GLIPR1L2: variants seen among roughly 807,000 people sequenced by gnomAD.
GLIPR1L2 encodes the protein GLIPR1-like protein 2.
Under a neutral mutation model 28.4 loss-of-function variants are expected in GLIPR1L2, and 21 were observed. The ratio of observed to expected loss-of-function variants is 0.74; its 90% CI spans 0.52 to 1.06. GLIPR1L2 has a LOEUF of 1.06. Ranked by LOEUF, GLIPR1L2 falls within the 50% of genes least tolerant of loss-of-function variation. The pLI, the probability that GLIPR1L2 is intolerant of heterozygous loss-of-function variation, is 0.00. For synonymous variants in GLIPR1L2, 145 were observed against 139.3 expected (o/e 1.04, Z -0.29); for missense variants, 476 against 416.9 (o/e 1.14, Z -1.23).
At chr12:75,398,328 CAAAAA>C (rs71078729) in intron 1 of GLIPR1L2, among the ~76,000 whole-genome samples, 87 of 87,898 alleles carry the variant, frequency 9.9e-4, no homozygotes, top group Middle Eastern at 6.0e-3. Context: ...GACTCCATCT[CAAAAA>C]AAAAAAAAAA....
At chr12:75,405,790 A>G (rs1455681155) in intron 1 of GLIPR1L2, among the ~76,000 whole-genome samples, 12 of 152,252 alleles carry the variant, frequency 7.9e-5, no homozygotes, top group African/African-American at 2.9e-4. Flanking sequence ...AAAGTTTGAA[A>G]AGTCTTGTGA....
chr12:75,403,885 A>C (rs2045769140), intron 1 of GLIPR1L2, among the ~76,000 whole-genome samples: 1 of 152,196 alleles, frequency 6.6e-6, no homozygotes. Flanking sequence ...AATTGGAAAG[A>C]GACTAGATAT....
chr12:75,395,415 A>G (rs1172901364), intron 1 of GLIPR1L2, among the ~76,000 whole-genome samples: 1 of 151,902 alleles, frequency 6.6e-6, no homozygotes, highest in East Asian at 1.9e-4. Context: ...TTCTTATAGT[A>G]TCTTTTTCTG....
chr12:75,407,234 A>C (rs2045812563), intron 1 of GLIPR1L2, among the ~76,000 whole-genome samples: 3 of 152,076 alleles, frequency 2.0e-5, no homozygotes, highest in Non-Finnish European at 2.9e-5. Context: ...CCCCTGTTGC[A>C]AGTCTTCTAA....
intron 1 of GLIPR1L2, among the ~76,000 whole-genome samples, chr12:75,394,733 C>T (rs11614719): frequency 0.19 from 23,491 of 121,260 alleles, 2,243 homozygotes; most frequent in Admixed American, 0.28. Flanking sequence ...AGATTTTTTA[C>T]GAATTTTGAG....
intron 4 of GLIPR1L2, among the ~76,000 whole-genome samples, chr12:75,424,531 G>A (rs1017823042): frequency 6.6e-6 from 1 of 151,982 alleles, no homozygotes; most frequent in African/African-American, 2.4e-5. Flanking sequence ...CTGTAACGTC[G>A]AATTCCTGGG....
At chr12:75,416,298 C>T (rs969124950) in intron 3 of GLIPR1L2, among the ~76,000 whole-genome samples, 2 of 152,006 alleles carry the variant, frequency 1.3e-5, no homozygotes, top group African/African-American at 2.4e-5. Flanking sequence ...TCATGAGAAG[C>T]AGATAGCCAT....
chr12:75,421,602 C>A (rs1046957209), intron 3 of GLIPR1L2, among the ~76,000 whole-genome samples: 1 of 152,158 alleles, frequency 6.6e-6, no homozygotes, highest in African/African-American at 2.4e-5. Flanking sequence ...TCAAATGTAT[C>A]TTTTCCCTAC....
chr12:75,413,612 C>A lies in GLIPR1L2; in HGVS notation c.495C>A (p.His165Gln). 1 of 1,551,394 alleles carries A rather than the reference C, an allele frequency of 6.4e-7. No homozygotes were observed. Among genetic ancestry groups the A allele is most frequent in the Non-Finnish European group, 8.7e-7 (1 of 1,153,978 alleles). ...TTTTATTTTAGCTTGTTTGGGACCA[C>A]TCTTACAAAGTTGGTTGTGCTGTTA... ...CSNYIQLVWD[H>Q]SYKVGCAVTP... is the part of the protein sequence containing the mutation. Residue 165 changes from histidine to glutamine, a missense_variant, in exon 3 of 6, where the codon CAC (histidine) becomes CAA (glutamine). Physicochemically the swap from His to Gln is conservative, Grantham distance 24. Transcript: ENST00000550916.
At chr12:75,425,872 G>A (rs2046029454) in intron 4 of GLIPR1L2, among the ~76,000 whole-genome samples, 1 of 152,066 alleles carries the variant, frequency 6.6e-6, no homozygotes, top group East Asian at 1.9e-4. Flanking sequence ...AAGGAAAAAA[G>A]TAAGCATGAA....
chr12:75,400,917 T>TA (rs2045733822), intron 1 of GLIPR1L2, among the ~76,000 whole-genome samples: 4 of 150,812 alleles, frequency 2.7e-5, no homozygotes, highest in East Asian at 2.0e-4. Context: ...GAGCATAATT[T>TA]TATATATATA....
At chr12:75,424,583 C>G (rs1435091858) in intron 4 of GLIPR1L2, among the ~76,000 whole-genome samples, 2 of 151,598 alleles carry the variant, frequency 1.3e-5, no homozygotes, top group African/African-American at 4.8e-5. Flanking sequence ...GTAGCTAATA[C>G]TACGGACAGG....
chr12:75,421,610 T>C (rs992925040), intron 3 of GLIPR1L2, among the ~76,000 whole-genome samples: 8 of 152,212 alleles, frequency 5.3e-5, no homozygotes, highest in African/African-American at 2.4e-5. Flanking sequence ...ATCTTTTCCC[T>C]ACTTGTTTTT....
intron 1 of GLIPR1L2, among the ~76,000 whole-genome samples, chr12:75,401,709 A>G (rs556830446): frequency 1.3e-5 from 2 of 152,104 alleles, no homozygotes; most frequent in Non-Finnish European, 2.9e-5. Flanking sequence ...AGAACAAAAA[A>G]TGTTGGTTGA....
chr12:75,395,268 G>A (rs914640708), intron 1 of GLIPR1L2, among the ~76,000 whole-genome samples: 2 of 151,966 alleles, frequency 1.3e-5, no homozygotes, highest in African/African-American at 4.8e-5. Flanking sequence ...CTGCACCAAG[G>A]AGTAAATTCC....
At chr12:75,415,198 A>G (rs1385493961) in intron 3 of GLIPR1L2, among the ~76,000 whole-genome samples, 1 of 152,132 alleles carries the variant, frequency 6.6e-6, no homozygotes, top group Non-Finnish European at 1.5e-5. Context: ...CAAATATAAT[A>G]ACATACATTA....
At position 75,410,387 on chromosome 12, in the gene GLIPR1L2, CA is replaced by C. The variant is rs567116232; in HGVS notation, c.235-38del. 321 of 1,405,394 alleles carry C rather than the reference CA, an allele frequency of 2.3e-4. 2 individuals carry two copies. In the Middle Eastern group the frequency reaches 2.3e-3, roughly 10 times the overall value. The allele number at this position is 1,405,394 out of a possible 1,614,324, so 87.1% of individuals were successfully genotyped here. A position where few individuals can be genotyped will look rare whatever the true frequency, so the allele number is the denominator to read the frequency against. On this transcript the variant is annotated intron_variant, in intron 1 of 5. Transcript: ENST00000550916. ...ACTCAAGAAAAAATATTTTAGACTA[CA>C]AAAAAAAACTTATTTTGTTCTCTTT...
At chr12:75,429,315 G>T (rs1387234992) in intron 4 of GLIPR1L2, among the ~76,000 whole-genome samples, 1 of 152,220 alleles carries the variant, frequency 6.6e-6, no homozygotes, top group Non-Finnish European at 1.5e-5. Context: ...TGTAATGACT[G>T]TCCTGTTGGG....
chr12:75,396,903 G>A (rs558632376), intron 1 of GLIPR1L2, among the ~76,000 whole-genome samples: 16 of 152,248 alleles, frequency 1.1e-4, no homozygotes, highest in Non-Finnish European at 2.4e-4. Context: ...CTGTTCTGTA[G>A]TTTTACCCCA....
Sources: gnomAD v4.1 joint callset for allele counts (sites outside exome capture counted in the v4.1 genomes callset) on GRCh38, gnomAD v4.1.1 for gene constraint, MANE v1.5 for transcripts, NCBI Gene and HGNC (gene_info 2026-07-23, HGNC 2026-07-21) for gene names.